The following ADGRF1 variants were observed in gnomAD, a reference collection of about 807,000 sequenced individuals.
ADGRF1 encodes the protein G protein-coupled receptor 110.
In ADGRF1, 85 loss-of-function variants were observed where a neutral mutation model predicts 87.2. That is an observed-to-expected ratio of 0.97 (90% confidence interval 0.82 to 1.17). The LOEUF is 1.17. Among genes scored for constraint, ADGRF1 ranks in the 50% most tolerant of loss-of-function variants. The pLI is 0.00. For synonymous variants in ADGRF1, 430 were observed against 408.8 expected, an observed-to-expected ratio of 1.05 and a Z score of -0.63; for missense variants, 1,169 against 1,077.2, an observed-to-expected ratio of 1.09 and a Z score of -1.19.
In ADGRF1 at chr6:47,016,647, C is replaced by G; in HGVS notation, c.733G>C (p.Glu245Gln). 6.2e-7 allele frequency: 1 copy of G among 1,610,504 alleles called. No homozygotes were observed. Among genetic ancestry groups the G allele is most frequent in the Non-Finnish European group, 8.5e-7 (1 of 1,177,402 alleles). ...KTALHKLFPL[E>Q]DGSFRVFGKA... ...CCGAACACTCTGAAAGAGCCGTCTT[C>G]TAATGGAAACAGCTTGTGAAGGGCT... Residue 245 changes from glutamate to glutamine, a missense_variant, in exon 8 of 15, where the codon GAA (glutamate) becomes CAA (glutamine). Glu to Gln is a conservative substitution (Grantham distance 29). Transcript: ENST00000371253.
intron 10 of ADGRF1, among the ~76,000 whole-genome samples, chr6:47,010,739 CAGA>C (rs1779682009): frequency 6.6e-6 from 1 of 152,162 alleles, no homozygotes; most frequent in South Asian, 2.1e-4. Flanking sequence ...TTGCTAACAC[CAGA>C]AGTTCAAAAC....
chr6:47,013,438 G>T (rs1779767613), intron 9 of ADGRF1: 2 of 985,438 alleles, frequency 2.0e-6, no homozygotes, highest in Non-Finnish European at 2.4e-6. Flanking sequence ...ATACTATTCT[G>T]GGGTTTTCTA....
rs1426345306 is a variant in ADGRF1 at position 47,009,181 on chromosome 6, G to A, written c.2254C>T (p.Leu752=). 1 of 1,614,182 alleles carries A rather than the reference G, an allele frequency of 6.2e-7. No homozygotes were observed. Among genetic ancestry groups the A allele is most frequent in the South Asian group, 1.1e-5 (1 of 91,084 alleles). Residue 752 remains leucine (L), a synonymous_variant, in exon 11 of 15, where the codon CTG becomes TTG. Transcript: ENST00000371253. The part of the protein sequence containing the change: ...KPLLAFVVPA[L]AIVAVNFVVV... ...ACGAAGTTCACAGCCACAATAGCCA[G>A]TGCAGGGACAACAAAAGCCAGGAGT...
chr6:47,035,672 CGGTTAGTTTTTGTTGCTT>C (rs1780567410), intron 1 of ADGRF1, among the ~76,000 whole-genome samples: 1 of 152,054 alleles, frequency 6.6e-6, no homozygotes, highest in Admixed American at 6.5e-5. Flanking sequence ...GATCATGAGC[CGGTTAGTTTTTGTTGCTT>C]GGGGCATGAT....
intron 13 of ADGRF1, 117 bp downstream of exon 13, chr6:47,005,700 T>C (rs1244122862): frequency 4.7e-6 from 3 of 635,886 alleles, no homozygotes; most frequent in Non-Finnish European, 8.3e-6. Context: ...AGGAATATAA[T>C]GGTGAAAGAA....
Position 47,020,568 on chromosome 6 carries a change from C to T in ADGRF1, c.611+163G>A, listed in dbSNP as rs1445557033. On this transcript the variant is annotated intron_variant, in intron 7 of 14. Coordinates refer to ENST00000371253, the MANE Select transcript of ADGRF1 (RefSeq NM_153840.4). ...GAGAATCTAGGCTTTACTCTTCAGA[C>T]TTTTTAAAGCATCACAGATCCTTGT... is the stretch of plus-strand genomic sequence containing the variant. The T allele has an allele frequency of 7.3e-6, 11 of 1,509,770 alleles. No homozygotes were observed. In the East Asian group the frequency reaches 2.7e-4, roughly 37 times the overall value. 93.5% of individuals were successfully genotyped at this position (1,509,770 alleles called of 1,614,324 possible).
Position 47,009,982 on chromosome 6 carries a change from A to G in ADGRF1, c.1453T>C (p.Leu485=). 7 of 1,614,192 alleles carry G rather than the reference A, an allele frequency of 4.3e-6. No homozygotes were observed. The highest frequency in any genetic ancestry group is 3.4e-6 in the Non-Finnish European group (4 of 1,180,012). ...LPETIISMAS[L]TLGNILPVSK... is the part of the protein sequence containing the mutation. The stretch of plus-strand genomic sequence containing the variant: ...ACGGGTAGAATGTTCCCCAGAGTCA[A>G]CGAGGCCATGCTGATAATAGTTTCT... Residue 485 remains leucine, a synonymous_variant, in exon 11 of 15, where the codon TTG becomes CTG. Coordinates refer to ENST00000371253, the MANE Select transcript of ADGRF1 (RefSeq NM_153840.4).
intron 3 of ADGRF1, among the ~76,000 whole-genome samples, chr6:47,026,786 C>G (rs1477828317): frequency 1.3e-5 from 2 of 152,206 alleles, no homozygotes; most frequent in Non-Finnish European, 2.9e-5. Flanking sequence ...ATCTCTTAGT[C>G]TCCCCATCTC....
intron 7 of ADGRF1, chr6:47,020,377 T>C: frequency 1.2e-6 from 1 of 801,310 alleles, no homozygotes; most frequent in Non-Finnish European, 1.9e-6. Context: ...GTGTCTGTAA[T>C]TCCAGCTACT....
chr6:47,022,911 T>G (rs768528385), intron 5 of ADGRF1, among the ~76,000 whole-genome samples: 6 of 147,756 alleles, frequency 4.1e-5, no homozygotes, highest in Non-Finnish European at 7.5e-5. Context: ...GTTCAAGCAA[T>G]CCTCTTCCCT....
rs199639776 is a variant in ADGRF1, at chr6:47,009,063, T to A, written c.2372A>T (p.Lys791Met). 8 of 1,614,118 alleles carry A rather than the reference T, an allele frequency of 5.0e-6. No homozygotes were observed. In the East Asian group the frequency reaches 1.8e-4, roughly 36 times the overall value. ...DDKATIIRVG[K>M]SLLILTPLLG... ...CAGAGGGGTCAGAATGAGGAGGCTC[T>A]TCCCCACGCGGATGATGGTGGCCTT... Residue 791 changes from lysine (K) to methionine (M), a missense_variant, in exon 11 of 15, where the codon AAG becomes ATG. By Grantham distance (95) the Lys-to-Met change is moderately conservative. Transcript: ENST00000371253.
chr6:47,034,141 A>G (rs1473809742), intron 1 of ADGRF1, among the ~76,000 whole-genome samples: 1 of 152,238 alleles, frequency 6.6e-6, no homozygotes, highest in Non-Finnish European at 1.5e-5. Context: ...TGTGAAAGTT[A>G]AAACTCTGTG....
intron 10 of ADGRF1, among the ~76,000 whole-genome samples, chr6:47,011,308 G>C (rs1779699698): frequency 6.6e-6 from 1 of 152,120 alleles, no homozygotes; most frequent in Non-Finnish European, 1.5e-5. Flanking sequence ...ATATAGTTAA[G>C]TATTATTGTG....
intron 9 of ADGRF1, chr6:47,013,150 G>A: frequency 9.1e-6 from 9 of 985,404 alleles, no homozygotes; most frequent in Non-Finnish European, 1.1e-5. Context: ...AGCAGCAAAG[G>A]AAGGCAGTCC....
At chr6:47,023,557 G>T (rs1780133964) in intron 5 of ADGRF1, among the ~76,000 whole-genome samples, 1 of 152,104 alleles carries the variant, frequency 6.6e-6, no homozygotes, top group Non-Finnish European at 1.5e-5. Context: ...TAGACTTTTA[G>T]CTTTTGTTCT....
At chr6:47,024,284 T>C in intron 4 of ADGRF1, 67 bp from the exon 5 acceptor site, 2 of 1,113,282 alleles carry the variant, frequency 1.8e-6, no homozygotes, top group South Asian at 1.5e-5. Flanking sequence ...TGAGCAGTGA[T>C]TTTATTTTAT....
intron 11 of ADGRF1, among the ~76,000 whole-genome samples, chr6:47,007,837 T>G (rs889263202): frequency 6.6e-6 from 1 of 152,200 alleles, no homozygotes; most frequent in African/African-American, 2.4e-5. Flanking sequence ...TGTATCACTA[T>G]GAGACTGTAC....
rs1432434591 is a variant in ADGRF1, at chr6:47,010,177, G to T, written c.1258C>A (p.Leu420Ile). ...NISTLVPPTA[L>I]PLNFSRKFID... ...AATTTCCGAGAAAAATTCAGAGGAA[G>T]AGCTGTCGGAGGCACCAGAGTGCTG... is the stretch of plus-strand genomic sequence containing the variant. The change falls in exon 11 of 15, where the codon CTT becomes ATT. Residue 420 changes from leucine (L) to isoleucine (I), a missense_variant. Coordinates refer to ENST00000371253, the MANE Select transcript of ADGRF1 (RefSeq NM_153840.4). The T allele has an allele frequency of 3.1e-6, 5 of 1,614,134 alleles. No homozygotes were observed. Among genetic ancestry groups the T allele is most frequent in the Non-Finnish European group, 4.2e-6 (5 of 1,180,022 alleles).
At chr6:47,026,926 C>T (rs1008872213) in intron 3 of ADGRF1, among the ~76,000 whole-genome samples, 6 of 152,186 alleles carry the variant, frequency 3.9e-5, no homozygotes, top group Non-Finnish European at 8.8e-5. Flanking sequence ...CTGCTCACAT[C>T]GTCAGGGGTT....
Sources: gnomAD v4.1 joint callset for allele counts (sites outside exome capture counted in the v4.1 genomes callset) on GRCh38, gnomAD v4.1.1 for gene constraint, MANE v1.5 for transcripts, NCBI Gene and HGNC (gene_info 2026-07-23, HGNC 2026-07-21) for gene names.